The following OPTN variants were observed in gnomAD, a reference collection of about 807,000 sequenced individuals.
The protein encoded by OPTN is optineurin.
Under a neutral mutation model 70.4 loss-of-function variants are expected in OPTN, and 54 were observed. The ratio of observed to expected loss-of-function variants is 0.77; its 90% CI spans 0.62 to 0.96. OPTN has a LOEUF of 0.96. Ranked by LOEUF, OPTN falls within the 40% of genes least tolerant of loss-of-function variation. The probability of loss-of-function intolerance (pLI) is 0.00; values close to 1 mark genes in which losing one functional copy is unlikely to be tolerated. For synonymous variants in OPTN, 256 were observed against 248.5 expected (o/e 1.03, Z -0.28); for missense variants, 624 against 673.2 (o/e 0.93, Z 0.81).
intron 5 of OPTN, among the ~76,000 whole-genome samples, 158 bp downstream of exon 5, chr10:13,112,793 T>C (rs529039782): frequency 6.6e-5 from 10 of 152,218 alleles, no homozygotes; most frequent in African/African-American, 2.4e-4. Flanking sequence ...TATAGCATAA[T>C]GCATGTAAGG....
chr10:13,113,195 G>C (rs1181715614), intron 5 of OPTN, among the ~76,000 whole-genome samples: 1 of 151,982 alleles, frequency 6.6e-6, no homozygotes, highest in African/African-American at 2.4e-5. Flanking sequence ...CTAACTTTTT[G>C]TATTTTTAAT....
At chr10:13,109,834 CAAAAA>C (rs33911800) in intron 3 of OPTN, among the ~76,000 whole-genome samples, 2 of 84,912 alleles carry the variant, frequency 2.4e-5, no homozygotes, top group Admixed American at 1.6e-4. Flanking sequence ...GACCCTGACT[CAAAAA>C]AAAAAAAAAA....
At chr10:13,125,672 T>C (rs956182476) in intron 10 of OPTN, 105 bp downstream of exon 10, 27 of 1,423,124 alleles carry the variant, frequency 1.9e-5, no homozygotes, top group Non-Finnish European at 2.5e-5. Context: ...AAAAATTTCT[T>C]TTTCACTTAT....
In OPTN at chr10:13,125,235, G is replaced by A. The variant is rs17152853; in HGVS notation, c.999-183G>A. Reference sequence around the variant, plus strand: ...GATCTGTACTTTTTTATGTTTAGGCGTAAGGGTTCAGAAATATGGCCAGGT... The same window carrying A: ...GATCTGTACTTTTTTATGTTTAGGCATAAGGGTTCAGAAATATGGCCAGGT... On this transcript the variant is annotated intron_variant, in intron 9 of 14. Coordinates refer to ENST00000378747, the MANE Select transcript of OPTN (RefSeq NM_001008212.2). Among the ~76,000 whole-genome samples the A allele has an allele frequency of 0.011, 1,611 of 152,282 alleles. 26 individuals are homozygous for A. The highest frequency in any genetic ancestry group is 0.036 in the African/African-American group (1,505 of 41,554).
intron 10 of OPTN, 64 bp downstream of exon 10, chr10:13,125,631 G>A (rs1309134757): frequency 8.2e-6 from 13 of 1,585,960 alleles, no homozygotes; most frequent in Non-Finnish European, 1.1e-5. Flanking sequence ...TTTTTATACA[G>A]ATTGGAATTC....
intron 7 of OPTN, among the ~76,000 whole-genome samples, chr10:13,119,304 A>G (rs1348278151): frequency 6.6e-6 from 1 of 152,234 alleles, no homozygotes; most frequent in Non-Finnish European, 1.5e-5. Context: ...ATGGAATTAT[A>G]CAGTCTGTGG....
In OPTN at chr10:13,109,290, TGAGCAG is replaced by T; in HGVS notation, c.166+4_166+9del. On this transcript the variant is annotated splice_donor_5th_base_variant and intron_variant, in intron 3 of 14. Coordinates refer to ENST00000378747, the MANE Select transcript of OPTN (RefSeq NM_001008212.2). ...TGACCGAGAACCACCAGCTGAAAGG[TGAGCAG>T]GGCTGGCCCCTGTGTGCCCCATTCA... 1 of 1,613,108 alleles carries T rather than the reference TGAGCAG, an allele frequency of 6.2e-7. No individual in the cohort carries two copies.
intron 6 of OPTN, among the ~76,000 whole-genome samples, chr10:13,117,809 C>T (rs1833252447): frequency 6.6e-6 from 1 of 152,094 alleles, no homozygotes; most frequent in East Asian, 1.9e-4. Context: ...GAATGACTTA[C>T]AAAACGTGAA....
chr10:13,111,987 A>G (rs1464674345), intron 4 of OPTN, among the ~76,000 whole-genome samples: 7 of 150,630 alleles, frequency 4.6e-5, no homozygotes, highest in African/African-American at 1.7e-4. Context: ...AGCTGGGACT[A>G]CAGGCGCCCG....
chr10:13,101,366 C>T (rs1001155811), intron 1 of OPTN, among the ~76,000 whole-genome samples: 2 of 151,998 alleles, frequency 1.3e-5, no homozygotes, highest in Non-Finnish European at 2.9e-5. Context: ...GCATATTATG[C>T]TAGGAATATA....
intron 1 of OPTN, among the ~76,000 whole-genome samples, chr10:13,103,033 A>T (rs1034795808): frequency 1.3e-5 from 2 of 152,042 alleles, no homozygotes; most frequent in African/African-American, 4.8e-5. Flanking sequence ...GGGGGCTGGG[A>T]AGAATCAAGC....
At chr10:13,100,658 AT>A (rs919661125) in intron 1 of OPTN, among the ~76,000 whole-genome samples, 17 of 152,310 alleles carry the variant, frequency 1.1e-4, no homozygotes, top group African/African-American at 4.1e-4. Flanking sequence ...GTTCCTCGCC[AT>A]AAGGAGGTGG....
intron 14 of OPTN, among the ~76,000 whole-genome samples, chr10:13,135,997 G>T (rs1377417249): frequency 2.0e-5 from 3 of 152,054 alleles, no homozygotes; most frequent in Non-Finnish European, 4.4e-5. Context: ...AACCAGCCTG[G>T]GCAACATAGT....
chr10:13,108,853 T>C (rs961181840), intron 2 of OPTN: 6 of 444,510 alleles, frequency 1.3e-5, no homozygotes, highest in African/African-American at 4.0e-5. Flanking sequence ...GCCCTCATTG[T>C]ACCCTTTTAT....
intron 11 of OPTN, among the ~76,000 whole-genome samples, chr10:13,127,042 TA>T (rs1833482597): frequency 1.3e-5 from 2 of 152,080 alleles, no homozygotes; most frequent in Admixed American, 6.5e-5. Context: ...AAACAATAAA[TA>T]AATTAGTAAT....
intron 9 of OPTN, among the ~76,000 whole-genome samples, chr10:13,124,362 G>A (rs1009080365): frequency 2.0e-5 from 3 of 152,172 alleles, no homozygotes; most frequent in Non-Finnish European, 4.4e-5. Flanking sequence ...ACGAGCCTGG[G>A]TAAGATCTCT....
intron 4 of OPTN, among the ~76,000 whole-genome samples, chr10:13,111,525 C>T (rs541779036): frequency 1.8e-3 from 224 of 125,990 alleles, no homozygotes; most frequent in Non-Finnish European, 3.2e-3. Flanking sequence ...TGGCGAAACC[C>T]CATCTCTACT....
At position 13,127,828 on chromosome 10, in the gene OPTN, G is replaced by C. The variant is rs1833501087; in HGVS notation, c.1326G>C (p.Leu442=). The C allele has an allele frequency of 1.2e-6, 2 of 1,614,008 alleles. No homozygotes were observed. The highest frequency in any genetic ancestry group is 8.5e-7 in the Non-Finnish European group (1 of 1,180,024). The change falls in exon 12 of 15, where the codon CTG becomes CTC. Residue 442 remains leucine, a synonymous_variant. Coordinates refer to ENST00000378747, the MANE Select transcript of OPTN (RefSeq NM_001008212.2). ...AGAAGGCTCTGGCTTCCAAACAGCT[G>C]CAAATGGATGAAATGAAGCAAACCA... The part of the protein sequence containing the change: ...LAEKALASKQ[L]QMDEMKQTIA...
At position 13,116,359 on chromosome 10, in the gene OPTN, G is replaced by C. The variant is rs779188905; in HGVS notation, c.626+19G>C. On this transcript the variant is annotated intron_variant, in intron 6 of 14. Coordinates refer to ENST00000378747, the MANE Select transcript of OPTN (RefSeq NM_001008212.2). ...CTGGCACGTATGTGAAGGAAGACTC[G>C]GGCTGTCAGGCAGACAGGCTGGGCA... 2 of 1,596,922 alleles carry C rather than the reference G, an allele frequency of 1.3e-6. No homozygotes were observed. The highest frequency in any genetic ancestry group is 1.7e-6 in the Non-Finnish European group (2 of 1,164,520).
Sources: gnomAD v4.1 joint callset for allele counts (sites outside exome capture counted in the v4.1 genomes callset) on GRCh38, gnomAD v4.1.1 for gene constraint, MANE v1.5 for transcripts, NCBI Gene and HGNC (gene_info 2026-07-23, HGNC 2026-07-21) for gene names.